The following MYT1 variants were observed in gnomAD, a reference collection of about 807,000 sequenced individuals.
The protein encoded by MYT1 is myelin transcription factor 1.
In MYT1, 23 loss-of-function variants were observed where a neutral mutation model predicts 123.0. That is an observed-to-expected ratio of 0.19 (90% confidence interval 0.13 to 0.26). MYT1 has a LOEUF of 0.26. MYT1 is among the 10% of genes least tolerant of loss of function. The pLI, the probability that MYT1 is intolerant of heterozygous loss-of-function variation, is 1.00. For synonymous variants in MYT1, 518 were observed against 575.3 expected (o/e 0.90, Z 1.43); for missense variants, 1,125 against 1,472.5 (o/e 0.76, Z 3.86).
chr20:64,230,135 C>T (rs1466083951), intron 18 of MYT1, among the ~76,000 whole-genome samples: 1 of 152,218 alleles, frequency 6.6e-6, no homozygotes. Context: ...ATCTGAAATC[C>T]TCTCCATGTA....
chr20:64,230,581 AC>A (rs1425910769), intron 18 of MYT1, among the ~76,000 whole-genome samples: 2 of 151,828 alleles, frequency 1.3e-5, no homozygotes, highest in East Asian at 1.9e-4. Context: ...AGAGCCAGCC[AC>A]CCCCCATTTG....
chr20:64,204,889 G>C (rs534028709), intron 4 of MYT1, 146 bp from the exon 5 acceptor site: 3 of 690,178 alleles, frequency 4.3e-6, no homozygotes. Flanking sequence ...TGAATGGGGC[G>C]AGTTATTAAT....
At position 64,196,625 on chromosome 20, in the gene MYT1, A is replaced by G. The variant is rs1370802921; in HGVS notation, c.1-2237A>G. Among the ~76,000 whole-genome samples the G allele has an allele frequency of 2.0e-5, 3 of 152,248 alleles. No individual in the cohort carries two copies. Among genetic ancestry groups the G allele is most frequent in the Admixed American group, 6.5e-5 (1 of 15,286 alleles). On this transcript the variant is annotated intron_variant, in intron 2 of 22. Coordinates refer to ENST00000328439, the MANE Select transcript of MYT1 (RefSeq NM_004535.3). This position sits in a 1 kb window ranked among gnomAD's most constrained non-coding sequence, Gnocchi z 4.3. Reference sequence around the variant, plus strand: ...TTTTCCCTTTAAAAATCAAAGCTACACGCTCCTAAGAGAACTTCTCGCTTA... The same window carrying G: ...TTTTCCCTTTAAAAATCAAAGCTACGCGCTCCTAAGAGAACTTCTCGCTTA...
At position 64,186,369 on chromosome 20, in the gene MYT1, G is replaced by T. The variant is rs374309272; in HGVS notation, c.-98-3694G>T. Among the ~76,000 whole-genome samples, 1 of 152,158 alleles carries T rather than the reference G, an allele frequency of 6.6e-6. No individual in the cohort carries two copies. The highest frequency in any genetic ancestry group is 2.1e-4 in the South Asian group (1 of 4,824). ...GTCTCTGATGTTCCGTTTCCCATTC[G>T]CATCCACGAGCAGGGATTCAGATTA... On this transcript the variant is annotated intron_variant, in intron 1 of 22. Transcript: ENST00000328439. This position sits in a 1 kb window ranked among gnomAD's most constrained non-coding sequence, Gnocchi z 4.3.
At chr20:64,200,278 G>C (rs1983258190) in intron 4 of MYT1, among the ~76,000 whole-genome samples, 1 of 152,184 alleles carries the variant, frequency 6.6e-6, no homozygotes, top group African/African-American at 2.4e-5. Context: ...CAGATGGTTG[G>C]AGGCCCAGTT....
chr20:64,237,409 C>T lies in MYT1; in HGVS notation c.3093+19C>T, dbSNP rs375130356. On this transcript the variant is annotated intron_variant, in intron 21 of 22. Coordinates refer to ENST00000328439, the MANE Select transcript of MYT1 (RefSeq NM_004535.3). Reference sequence around the variant, plus strand: ...GTCCCAGGTAGGTGGTGCCGCCCCCCGCTCCTGGGCTCTTTGCCCACCCAA... The same window carrying T: ...GTCCCAGGTAGGTGGTGCCGCCCCCTGCTCCTGGGCTCTTTGCCCACCCAA... 15 of 1,570,048 alleles carry T rather than the reference C, an allele frequency of 9.6e-6. No homozygotes were observed. Among genetic ancestry groups the T allele is most frequent in the South Asian group, 3.5e-5 (3 of 86,852 alleles).
Position 64,240,681 on chromosome 20 carries a change from G to A in MYT1, c.*233G>A, listed in dbSNP as rs891507109. 4.3e-6 allele frequency: 2 copies of A among 465,354 alleles called. No homozygotes were observed. Among genetic ancestry groups the A allele is most frequent in the Middle Eastern group, 1.1e-3 (2 of 1,804 alleles). The allele number at this position is 465,354 out of a possible 1,614,324, so 28.8% of individuals were successfully genotyped here. ...CATAGGGGCACTGAAGAATTACAAA[G>A]TGATTTATTTTTGTTTTCTGAAAGA... On this transcript the variant is annotated 3_prime_UTR_variant, in exon 23 of 23. Transcript: ENST00000328439.
At chr20:64,240,214 T>G in intron 22 of MYT1, 106 bp from the exon 23 acceptor site, 1 of 1,500,958 alleles carries the variant, frequency 6.7e-7, no homozygotes, top group East Asian at 2.3e-5. Flanking sequence ...TGGTGTGGGC[T>G]TGTCTCAGGT....
At chr20:64,173,309 CAG>C (rs1421814209) in intron 1 of MYT1, among the ~76,000 whole-genome samples, 1 of 152,140 alleles carries the variant, frequency 6.6e-6, no homozygotes, top group East Asian at 1.9e-4. Flanking sequence ...CAGTCACAGA[CAG>C]AGGTGGGCTG....
intron 22 of MYT1, 45 bp downstream of exon 22, chr20:64,239,948 G>C: frequency 6.2e-7 from 1 of 1,600,424 alleles, no homozygotes; most frequent in Non-Finnish European, 8.5e-7. Context: ...ACCCCCCAGG[G>C]TCTCTTCGGA....
chr20:64,170,874 TATATATATATAGAGAGAGAG>T (rs1350085243), intron 1 of MYT1, among the ~76,000 whole-genome samples: 36 of 62,526 alleles, frequency 5.8e-4, no homozygotes, highest in Middle Eastern at 7.6e-3. Context: ...TATATATATA[TATATATATATAGAGAGAGAG>T]AGAGAGAGAG....
intron 14 of MYT1, among the ~76,000 whole-genome samples, chr20:64,222,551 C>A (rs1246400010): frequency 1.3e-5 from 2 of 152,234 alleles, no homozygotes; most frequent in Admixed American, 1.3e-4. Context: ...GACAGAGTTG[C>A]TGATGGATAT....
rs774565363 is a variant in MYT1, at chr20:64,208,272, G to A, written c.1076G>A (p.Arg359Gln). 57 of 1,614,040 alleles carry A rather than the reference G, an allele frequency of 3.5e-5. No individual in the cohort carries two copies. The Admixed American group carries it at 4.7e-4, about 13-fold the overall frequency. ...GACAAGGACGAGGACACCCACTCCCGGAAGTCAACAGTCACTGACGAGTCG... is the reference window on the plus strand; with the variant it reads ...GACAAGGACGAGGACACCCACTCCCAGAAGTCAACAGTCACTGACGAGTCG... ...DDDKDEDTHSRKSTVTDESEM... is the reference protein window; with the variant it reads ...DDDKDEDTHSQKSTVTDESEM... Residue 359 changes from arginine to glutamine, a missense_variant, in exon 7 of 23, where the codon CGG becomes CAG. Physicochemically the swap from Arg to Gln is conservative, Grantham distance 43. Around this residue, in one of 4 missense-constraint regions of MYT1, gnomAD observed 429 missense variants for 604.1 expected, o/e 0.71. Coordinates refer to ENST00000328439, the MANE Select transcript of MYT1 (RefSeq NM_004535.3). This position sits in a 1 kb window ranked among gnomAD's most constrained non-coding sequence, Gnocchi z 5.4.
chr20:64,236,748 G>A, intron 20 of MYT1, 102 bp downstream of exon 20: 1 of 996,704 alleles, frequency 1.0e-6, no homozygotes, highest in Non-Finnish European at 1.6e-6. Context: ...GGGAGATGAA[G>A]CCCCTCCTGG....
In MYT1 at chr20:64,232,582, T is replaced by C. The variant is rs1028447915; in HGVS notation, c.2897+197T>C. On this transcript the variant is annotated intron_variant, in intron 19 of 22. Coordinates refer to ENST00000328439, the MANE Select transcript of MYT1 (RefSeq NM_004535.3). This position sits in a 1 kb window ranked among gnomAD's most constrained non-coding sequence, Gnocchi z 6.9. ...TGGTGCCAGGTGATGCTGTGGGTTA[T>C]GTCTTCGCCATGCGTCTCCCCTCAT... Among the ~76,000 whole-genome samples, 8 of 152,152 alleles carry C rather than the reference T, an allele frequency of 5.3e-5. No homozygotes were observed. Among genetic ancestry groups the C allele is most frequent in the African/African-American group, 9.7e-5 (4 of 41,432 alleles).
At chr20:64,173,286 C>T (rs777133569) in intron 1 of MYT1, among the ~76,000 whole-genome samples, 3 of 152,114 alleles carry the variant, frequency 2.0e-5, no homozygotes, top group Non-Finnish European at 2.9e-5. Flanking sequence ...CCTCAAGCAG[C>T]CCTCGGAGGC....
chr20:64,225,243 G>A (rs991255930), intron 16 of MYT1, among the ~76,000 whole-genome samples: 3 of 152,328 alleles, frequency 2.0e-5, no homozygotes, highest in East Asian at 3.9e-4. Context: ...GCCACCTCCT[G>A]TGTGAGGCGG....
intron 10 of MYT1, among the ~76,000 whole-genome samples, chr20:64,215,173 A>G (rs1248031372): frequency 2.0e-5 from 3 of 152,146 alleles, no homozygotes; most frequent in African/African-American, 7.2e-5. Context: ...TTTGATCTAA[A>G]TCACCGATAA....
chr20:64,239,694 C>T (rs374907919), intron 21 of MYT1, 66 bp from the exon 22 acceptor site: 1 of 1,602,646 alleles, frequency 6.2e-7, no homozygotes, highest in Non-Finnish European at 8.5e-7. Flanking sequence ...AGAGGCAGCC[C>T]AGAGAGGACC....
Sources: allele counts gnomAD v4.1 joint callset (sites outside exome capture counted in the v4.1 genomes callset), GRCh38; gene constraint gnomAD v4.1.1; regional missense constraint gnomAD v4.1.1; non-coding constraint Gnocchi (gnomAD v3.1); transcripts MANE v1.5; gene names NCBI Gene and HGNC (gene_info 2026-07-23, HGNC 2026-07-21).